Variants in TYMS observed in about 807,000 individuals in gnomAD.
The protein encoded by TYMS is thymidylate synthetase.
TYMS carries 21 observed loss-of-function variants against 39.3 expected under a neutral mutation model. That is an observed-to-expected ratio of 0.54 (90% confidence interval 0.38 to 0.77). The LOEUF (loss-of-function observed/expected upper bound fraction) is 0.77. TYMS is among the 30% of genes least tolerant of loss of function. The pLI is 0.00. For synonymous variants in TYMS, 171 were observed against 162.2 expected (o/e 1.05, Z -0.41); for missense variants, 273 against 406.7 (o/e 0.67, Z 2.83).
chr18:669,033 A>C, intron 3 of TYMS, 39 bp from the exon 4 acceptor site: 1 of 1,533,158 alleles, frequency 6.5e-7, no homozygotes, highest in Non-Finnish European at 9.0e-7. Flanking sequence ...ATGTGTGATT[A>C]ATGTATGTAC....
rs746824953 is a variant in TYMS, at chr18:657,786, C to A, written c.44C>A (p.Pro15His). ...GSELPRRPLP[P>H]AAQERDAEPR... The stretch of plus-strand genomic sequence containing the variant: ...GAGCTGCCGCGCCGGCCCTTGCCCC[C>A]CGCCGCACAGGAGCGGGACGCCGAG... The change falls in exon 1 of 7, where the codon CCC becomes CAC. Residue 15 changes from proline to histidine, a missense_variant. Pro to His is a moderately conservative substitution (Grantham distance 77). Coordinates refer to ENST00000323274, the MANE Select transcript of TYMS (RefSeq NM_001071.4). The A allele has an allele frequency of 1.1e-4, 167 of 1,455,040 alleles. No individual in the cohort carries two copies. The highest frequency in any genetic ancestry group is 1.4e-4 in the Non-Finnish European group (153 of 1,110,566). The allele number at this position is 1,455,040 out of a possible 1,614,324, so 90.1% of individuals were successfully genotyped here.
intron 3 of TYMS, among the ~76,000 whole-genome samples, chr18:668,034 A>C (rs2074891276): frequency 7.3e-6 from 1 of 137,676 alleles, no homozygotes; most frequent in Non-Finnish European, 1.5e-5. Context: ...GTTTCCCTGG[A>C]CACACTACCC....
chr18:667,873 T>C (rs2074888309), intron 3 of TYMS: 2 of 152,128 alleles, frequency 1.3e-5, no homozygotes, highest in Admixed American at 6.6e-5. Flanking sequence ...TTCTTGTCGC[T>C]TAAAAGGCCT....
intron 5 of TYMS, chr18:671,131 G>A: frequency 1.6e-6 from 1 of 615,832 alleles, no homozygotes; most frequent in Non-Finnish European, 2.8e-6. Flanking sequence ...CTGAGGTTGG[G>A]TATGGTGGCT....
rs559955066 is a variant in TYMS at position 664,125 on chromosome 18, G to A, written c.454+1805G>A. Among the ~76,000 whole-genome samples, 184 of 151,006 alleles carry A rather than the reference G, an allele frequency of 1.2e-3. 3 individuals carry two copies. The highest frequency in any genetic ancestry group is 4.1e-3 in the African/African-American group (169 of 40,838). On this transcript the variant is annotated intron_variant, in intron 3 of 6. Transcript: ENST00000323274. Reference sequence around the variant, plus strand: ...CCTTGGGCAGTATGGCCATTTTCACGATATTGATTCTTCCTACCCATGAGC... The same window carrying A: ...CCTTGGGCAGTATGGCCATTTTCACAATATTGATTCTTCCTACCCATGAGC...
chr18:668,725 T>TAAG (rs2074911138), intron 3 of TYMS, among the ~76,000 whole-genome samples: 1 of 152,220 alleles, frequency 6.6e-6, no homozygotes, highest in Admixed American at 6.5e-5. Context: ...GTTTAGAGCC[T>TAAG]AAGTTTGCGA....
At position 658,412 on chromosome 18, in the gene TYMS, A is replaced by G. The variant is rs985686228; in HGVS notation, c.205+465A>G. 3.4e-6 allele frequency: 4 copies of G among 1,179,870 alleles called. No individual in the cohort carries two copies. Among genetic ancestry groups the G allele is most frequent in the East Asian group, 6.0e-5 (1 of 16,670 alleles). 73.1% of individuals were successfully genotyped at this position (1,179,870 alleles called of 1,614,324 possible). A position where few individuals can be genotyped will look rare whatever the true frequency, so the allele number is the denominator to read the frequency against. Reference sequence around the variant, plus strand: ...GAGCGAAAGTGATGTGGGCGGGGCAAAGGCGGCGGGAAGAGGAGAGCACTG... The same window carrying G: ...GAGCGAAAGTGATGTGGGCGGGGCAGAGGCGGCGGGAAGAGGAGAGCACTG... On this transcript the variant is annotated intron_variant, in intron 1 of 6. Coordinates refer to ENST00000323274, the MANE Select transcript of TYMS (RefSeq NM_001071.4). The surrounding 1 kb of genome is among the most constrained non-coding windows in gnomAD (Gnocchi z 4.5).
At chr18:671,884 ATTC>A (rs2075073975) in intron 6 of TYMS, 1 of 175,620 alleles carries the variant, frequency 5.7e-6, no homozygotes, top group Non-Finnish European at 1.2e-5. Context: ...GGTTCAAGCA[ATTC>A]TTCTGCCTCA....
In TYMS at chr18:658,690, G is replaced by A. The variant is rs1304240025; in HGVS notation, c.205+743G>A. ...TAGGCAGCCGTTGGCCCTCCCTAAG[G>A]CCACACCGTCCTGCCGTCCTGGATC... On this transcript the variant is annotated intron_variant, in intron 1 of 6. Transcript: ENST00000323274. The surrounding 1 kb of genome is among the most constrained non-coding windows in gnomAD (Gnocchi z 4.5). The A allele has an allele frequency of 7.7e-6, 2 of 260,902 alleles. No homozygotes were observed. The highest frequency in any genetic ancestry group is 3.8e-5 in the South Asian group (1 of 26,622). 16.2% of individuals were successfully genotyped at this position (260,902 alleles called of 1,614,324 possible).
At position 659,654 on chromosome 18, in the gene TYMS, G is replaced by A. The variant is rs1429323618; in HGVS notation, c.219G>A (p.Leu73=). 2 of 1,614,138 alleles carry A rather than the reference G, an allele frequency of 1.2e-6. No homozygotes were observed. The highest frequency in any genetic ancestry group is 1.7e-5 in the Admixed American group (1 of 60,030). The change falls in exon 2 of 7, where the codon CTG becomes CTA. Residue 73 remains leucine, a synonymous_variant. Transcript: ENST00000323274. ...ATTGTTTTTCAGATGAATTCCCTCT[G>A]CTGACAACCAAACGTGTGTTCTGGA... ...ARYSLRDEFP[L]LTTKRVFWKG...
At chr18:666,322 C>T (rs115838176) in intron 3 of TYMS, among the ~76,000 whole-genome samples, 3,772 of 151,964 alleles carry the variant, frequency 0.025, 146 homozygotes, top group African/African-American at 0.085. Context: ...ATCTCCCTTT[C>T]GAGGCTGAGC....
At chr18:666,737 G>C (rs2074823004) in intron 3 of TYMS, among the ~76,000 whole-genome samples, 1 of 152,222 alleles carries the variant, frequency 6.6e-6, no homozygotes, top group East Asian at 1.9e-4. Context: ...AGCAACTTCA[G>C]GAAGTTTAAA....
rs758493098 is a variant in TYMS, at chr18:669,190, C to T, written c.556+17C>T. On this transcript the variant is annotated intron_variant, in intron 4 of 6. Transcript: ENST00000323274. ...ATCCAAGAGGTTGAAAGAACCCCGTCGTCTTCATTTATACTAACCATACTC... is the reference window on the plus strand; with the variant it reads ...ATCCAAGAGGTTGAAAGAACCCCGTTGTCTTCATTTATACTAACCATACTC... 5 of 1,605,624 alleles carry T rather than the reference C, an allele frequency of 3.1e-6. No individual in the cohort carries two copies. Among genetic ancestry groups the T allele is most frequent in the African/African-American group, 2.7e-5 (2 of 74,692 alleles).
Position 673,033 on chromosome 18 carries a change from CT to C in TYMS, c.*39del. On this transcript the variant is annotated 3_prime_UTR_variant, in exon 7 of 7. Coordinates refer to ENST00000323274, the MANE Select transcript of TYMS (RefSeq NM_001071.4). ...AAGGAGCTCGAAGGATATTGTCAGT[CT>C]TTAGGGGTTGGGCTGGATGCCGAGG... The C allele has an allele frequency of 6.7e-7, 1 of 1,486,546 alleles. No individual in the cohort carries two copies. The highest frequency in any genetic ancestry group is 1.5e-5 in the South Asian group (1 of 68,588). 92.1% of individuals were successfully genotyped at this position (1,486,546 alleles called of 1,614,324 possible). A position where few individuals can be genotyped will look rare whatever the true frequency, so the allele number is the denominator to read the frequency against.
At chr18:669,050 T>TCTC (rs1422749909) in intron 3 of TYMS, 22 bp from the exon 4 acceptor site, 6 of 1,595,026 alleles carry the variant, frequency 3.8e-6, no homozygotes, top group Non-Finnish European at 4.3e-6. Context: ...GTACCTGTCC[T>TCTC]CTCTTTTTGA....
intron 3 of TYMS, among the ~76,000 whole-genome samples, chr18:663,276 G>A (rs1279177379): frequency 1.0e-5 from 1 of 97,010 alleles, no homozygotes; most frequent in African/African-American, 6.6e-5. Context: ...GTGATGGTGA[G>A]CATTTTTTCA....
chr18:671,174 A>G (rs374830876), intron 5 of TYMS: 12 of 612,008 alleles, frequency 2.0e-5, no homozygotes, highest in Middle Eastern at 4.4e-4. Context: ...TGGGAGACTG[A>G]GACAGGAGCA....
intron 1 of TYMS, 26 bp from the exon 2 acceptor site, chr18:659,615 A>AAACC: frequency 3.1e-6 from 5 of 1,606,392 alleles, no homozygotes; most frequent in Non-Finnish European, 4.3e-6. Context: ...TCCCATCTTG[A>AAACC]AACCGTATGG....
Position 671,452 on chromosome 18 carries a change from G to T in TYMS, c.804+1G>T. The T allele has an allele frequency of 1.2e-6, 2 of 1,602,922 alleles. No individual in the cohort carries two copies. The highest frequency in any genetic ancestry group is 2.2e-5 in the East Asian group (1 of 44,828). On this transcript the variant is annotated splice_donor_variant, in intron 6 of 6. Coordinates refer to ENST00000323274, the MANE Select transcript of TYMS (RefSeq NM_001071.4). LOFTEE classifies it high-confidence loss of function. Reference sequence around the variant, plus strand: ...TCACATCGAGCCACTGAAAATTCAGGTAAGAATTAGATGTTATACTTTTGG... The same window carrying T: ...TCACATCGAGCCACTGAAAATTCAGTTAAGAATTAGATGTTATACTTTTGG...
Sources: gnomAD v4.1 joint callset for allele counts (sites outside exome capture counted in the v4.1 genomes callset) on GRCh38, gnomAD v4.1.1 for gene constraint, Gnocchi (gnomAD v3.1) non-coding constraint, MANE v1.5 for transcripts, NCBI Gene and HGNC (gene_info 2026-07-23, HGNC 2026-07-21) for gene names.